The following PGAP2 variants were observed in gnomAD, a reference collection of about 807,000 sequenced individuals.
PGAP2 encodes acyltransferase PGAP2.
Under a neutral mutation model 33.2 loss-of-function variants are expected in PGAP2, and 21 were observed. That is an observed-to-expected ratio of 0.63 (90% CI 0.45 to 0.91). PGAP2 has a LOEUF of 0.91. Among genes scored for constraint, PGAP2 ranks in the 40% least tolerant of loss-of-function variants. PGAP2 has a pLI of 0.00. For synonymous variants in PGAP2, 161 were observed against 172.9 expected, an observed-to-expected ratio of 0.93 and a Z score of 0.54; for missense variants, 345 against 424.0, an observed-to-expected ratio of 0.81 and a Z score of 1.64.
chr11:3,802,739 T>C (rs944542991), intron 1 of PGAP2, among the ~76,000 whole-genome samples: 5 of 152,106 alleles, frequency 3.3e-5, no homozygotes, highest in Non-Finnish European at 7.4e-5. Flanking sequence ...CTGCTACTTT[T>C]TATATCTCGC....
At chr11:3,800,410 G>A (rs970196547) in intron 1 of PGAP2, among the ~76,000 whole-genome samples, 1 of 152,230 alleles carries the variant, frequency 6.6e-6, no homozygotes, top group Non-Finnish European at 1.5e-5. Context: ...GGGATTAGTA[G>A]AGGTGTTGGA....
At chr11:3,808,109 T>C (rs1033965032), upstream of PGAP2, 4 of 1,451,622 alleles carry the variant, frequency 2.8e-6, no homozygotes, top group East Asian at 5.0e-5. Context: ...ATTGCTGAAA[T>C]GTCCCCAACC....
chr11:3,808,289 A>G (rs1328673381), upstream of PGAP2: 1 of 1,551,484 alleles, frequency 6.4e-7, no homozygotes, highest in Non-Finnish European at 8.7e-7. Flanking sequence ...GTGTTCTTTC[A>G]ACAGGTAGAT....
Position 3,825,418 on chromosome 11 carries a change from A to G in PGAP2, c.908A>G (p.Glu303Gly). The G allele has an allele frequency of 1.2e-6, 2 of 1,613,872 alleles. No individual in the cohort carries two copies. The highest frequency in any genetic ancestry group is 1.7e-6 in the Non-Finnish European group (2 of 1,179,994). ...MTAWWDFGNK[E>G]LLITSQPEEK... is the part of the protein sequence containing the mutation. Reference sequence around the variant, plus strand: ...GCCTGGTGGGACTTCGGGAACAAGGAGCTGCTCATAACCTCTCAGCCTGAG... The same window carrying G: ...GCCTGGTGGGACTTCGGGAACAAGGGGCTGCTCATAACCTCTCAGCCTGAG... Residue 303 changes from glutamate to glycine, a missense_variant, in exon 7 of 7, where the codon GAG (glutamate) becomes GGG (glycine). Transcript: ENST00000278243.
chr11:3,799,124 C>T (rs1051454391), intron 1 of PGAP2, among the ~76,000 whole-genome samples: 7 of 152,226 alleles, frequency 4.6e-5, no homozygotes, highest in Admixed American at 3.3e-4. Context: ...CTTGGAAGTC[C>T]TTCTGGGGCC....
intron 1 of PGAP2, among the ~76,000 whole-genome samples, chr11:3,799,054 TA>T (rs1173378669): frequency 7.9e-5 from 12 of 152,384 alleles, no homozygotes; most frequent in African/African-American, 2.9e-4. Context: ...AGGCCTCTGT[TA>T]AAGCCTTGTC....
chr11:3,808,257 C>G (rs770356449), upstream of PGAP2: 1 of 1,550,802 alleles, frequency 6.4e-7, no homozygotes, highest in African/African-American at 1.4e-5. Flanking sequence ...GAAAGAAATC[C>G]GGCCCCTGTT....
At chr11:3,797,869 G>A in exon 1 of PGAP2, 1 of 1,550,492 alleles carries the variant, frequency 6.4e-7, no homozygotes, top group Non-Finnish European at 8.7e-7. Flanking sequence ...AGCACCGGCG[G>A]GGTGTCGGGA....
At chr11:3,813,483 A>T (rs2086057282) in intron 2 of PGAP2, among the ~76,000 whole-genome samples, 1 of 152,186 alleles carries the variant, frequency 6.6e-6, no homozygotes, top group Non-Finnish European at 1.5e-5. Flanking sequence ...ACCAGGGCAC[A>T]AGTAATCCTC....
upstream of PGAP2, among the ~76,000 whole-genome samples, chr11:3,803,789 A>ATG (rs2083864211): frequency 1.3e-5 from 1 of 78,538 alleles, no homozygotes; most frequent in Non-Finnish European, 3.0e-5. Context: ...ACTGCTATAT[A>ATG]TATATATATT....
chr11:3,813,482 C>G (rs1351218120), intron 2 of PGAP2, among the ~76,000 whole-genome samples: 1 of 152,144 alleles, frequency 6.6e-6, no homozygotes, highest in Admixed American at 6.5e-5. Flanking sequence ...CACCAGGGCA[C>G]AAGTAATCCT....
Position 3,817,375 on chromosome 11 carries a change from C to T in PGAP2, c.188C>T (p.Ser63Phe), listed in dbSNP as rs141195165. The change falls in exon 3 of 7, where the codon TCT becomes TTT. Residue 63 changes from serine (S) to phenylalanine (F), a missense_variant. Physicochemically the swap from Ser to Phe is radical, Grantham distance 155. This residue lies in a region of PGAP2 where 311 missense variants were observed against 353.6 expected (regional missense o/e 0.88). Coordinates refer to ENST00000278243, the MANE Select transcript of PGAP2 (RefSeq NM_014489.4). ...TAGGCCACGCCCTGCAGGATGTTCT[C>T]TGCGGCCTCCCAGCCTTTGGACCCC... Reference protein sequence around the residue: ...HCGATPCRMFSAASQPLDPDG... With the variant: ...HCGATPCRMFFAASQPLDPDG... 1.3e-4 allele frequency: 209 copies of T among 1,613,296 alleles called. 1 individual carries two copies. Among genetic ancestry groups the T allele is most frequent in the Middle Eastern group, 6.6e-4 (4 of 6,076 alleles).
Position 3,811,514 on chromosome 11 carries a change from T to C in PGAP2, c.165+90T>C. ...ATCTTTTAACAAGATTAGCCAGCTC[T>C]CCACTGGGGCCCATCAAACATACGG... is the stretch of plus-strand genomic sequence containing the variant. On this transcript the variant is annotated intron_variant, in intron 2 of 6. Coordinates refer to ENST00000278243, the MANE Select transcript of PGAP2 (RefSeq NM_014489.4). The surrounding 1 kb of genome is among the most constrained non-coding windows in gnomAD (Gnocchi z 4.6). The C allele has an allele frequency of 7.9e-7, 1 of 1,259,454 alleles. No homozygotes were observed. 78.0% of individuals were successfully genotyped at this position (1,259,454 alleles called of 1,614,324 possible).
At chr11:3,802,611 G>A (rs1449553374) in intron 1 of PGAP2, among the ~76,000 whole-genome samples, 2 of 152,180 alleles carry the variant, frequency 1.3e-5, no homozygotes, top group Admixed American at 6.5e-5. Context: ...ATGCAGCTGT[G>A]AAGGATTGGT....
At chr11:3,798,796 G>A (rs1259802824) in intron 1 of PGAP2, among the ~76,000 whole-genome samples, 2 of 150,878 alleles carry the variant, frequency 1.3e-5, no homozygotes, top group Admixed American at 6.6e-5. Flanking sequence ...GGCACTCGCC[G>A]CCGCGCCCAG....
chr11:3,802,993 A>ATTT lies in PGAP2; in HGVS notation c.139+5021_139+5023dup, dbSNP rs772953745. Among the ~76,000 whole-genome samples, 18 of 120,948 alleles carry ATTT rather than the reference A, an allele frequency of 1.5e-4. 1 individual carries two copies. Among genetic ancestry groups the ATTT allele is most frequent in the African/African-American group, 5.3e-4 (17 of 31,862 alleles). 79.3% of individuals were successfully genotyped at this position (120,948 alleles called of 152,430 possible). Reference sequence around the variant, plus strand: ...AGGCGCCTGCCACCACACCCGGCTAATTTTTTTTTTTTCTTTTGGAGACAG... The same window carrying ATTT: ...AGGCGCCTGCCACCACACCCGGCTAATTTTTTTTTTTTTTTCTTTTGGAGACAG... On this transcript the variant is annotated intron_variant, in intron 1 of 6. Coordinates refer to the PGAP2 transcript ENST00000300730.
intron 2 of PGAP2, among the ~76,000 whole-genome samples, chr11:3,816,780 G>C (rs574531677): frequency 6.6e-6 from 1 of 152,308 alleles, no homozygotes; most frequent in African/African-American, 2.4e-5. Flanking sequence ...TCTGTTCCTA[G>C]TTGAACTTGG....
upstream of PGAP2, among the ~76,000 whole-genome samples, chr11:3,807,309 G>GTTTT (rs200578138): frequency 1.7e-5 from 2 of 114,698 alleles, no homozygotes; most frequent in Non-Finnish European, 1.7e-5. Context: ...ATTTTCACAG[G>GTTTT]TTTTTTTTTT....
At chr11:3,802,518 A>C (rs902516123) in intron 1 of PGAP2, among the ~76,000 whole-genome samples, 5 of 152,236 alleles carry the variant, frequency 3.3e-5, no homozygotes, top group African/African-American at 1.2e-4. Flanking sequence ...AGATGTCCAC[A>C]GCTCAACACT....
Sources: gnomAD v4.1 joint callset for allele counts (sites outside exome capture counted in the v4.1 genomes callset) on GRCh38, gnomAD v4.1.1 for gene constraint, gnomAD v4.1.1 regional missense constraint, Gnocchi (gnomAD v3.1) non-coding constraint, MANE v1.5 for transcripts, NCBI Gene and HGNC (gene_info 2026-07-23, HGNC 2026-07-21) for gene names.